Variants in KHDRBS2 observed in about 807,000 individuals in gnomAD.
KHDRBS2 encodes the protein KH domain-containing, RNA-binding, signal transduction-associated protein 2.
In KHDRBS2, 26 loss-of-function variants were observed where a neutral mutation model predicts 44.3. The observed-to-expected ratio is 0.59, with a 90% CI of 0.43 to 0.81. KHDRBS2 has a LOEUF of 0.81. KHDRBS2 is among the 40% of genes least tolerant of loss of function. The pLI, the probability that KHDRBS2 is intolerant of heterozygous loss-of-function variation, is 0.00. For synonymous variants in KHDRBS2, 194 were observed against 151.1 expected (o/e 1.28, Z -2.08); for missense variants, 476 against 433.1 (o/e 1.10, Z -0.88).
the KHDRBS2 span, among the ~76,000 whole-genome samples, chr6:61,549,254 CAG>C: frequency 1.3e-5 from 2 of 152,046 alleles, no homozygotes; most frequent in African/African-American, 4.8e-5. Context: ...TTGCATTAAA[CAG>C]TGGTATAATG....
the KHDRBS2 span, among the ~76,000 whole-genome samples, chr6:61,546,650 T>A: frequency 1.5e-4 from 23 of 152,216 alleles, no homozygotes; most frequent in African/African-American, 4.3e-4. Context: ...TAATTATTTA[T>A]CCCATGTTTG....
At chr6:61,671,338 C>T in the KHDRBS2 span, among the ~76,000 whole-genome samples, 4 of 151,448 alleles carry the variant, frequency 2.6e-5, no homozygotes, top group African/African-American at 9.7e-5. Flanking sequence ...TAACTAGTTG[C>T]CAATTTTTAA....
chr6:61,687,395 C>T (rs1452191276), intron 8 of KHDRBS2, among the ~76,000 whole-genome samples: 2 of 151,784 alleles, frequency 1.3e-5, no homozygotes, highest in African/African-American at 2.4e-5. Flanking sequence ...GAACTCCATT[C>T]TCAACCCTAA....
intron 4 of KHDRBS2, among the ~76,000 whole-genome samples, chr6:61,956,240 T>C (rs1389769592): frequency 2.0e-5 from 3 of 152,050 alleles, no homozygotes; most frequent in South Asian, 2.1e-4. Context: ...GTTCAAAGCA[T>C]AGCACACCAG....
At chr6:61,677,069 C>G (rs1202631365), downstream of KHDRBS2, among the ~76,000 whole-genome samples, 1 of 151,768 alleles carries the variant, frequency 6.6e-6, no homozygotes. Context: ...TTTTCTTGTT[C>G]AACACTAATT....
intron 2 of KHDRBS2, among the ~76,000 whole-genome samples, chr6:62,066,048 G>C (rs185161729): frequency 1.8e-3 from 266 of 151,652 alleles, no homozygotes; most frequent in African/African-American, 5.8e-3. Flanking sequence ...TGTATTCAAA[G>C]ACACGTCTTT....
the KHDRBS2 span, among the ~76,000 whole-genome samples, chr6:61,551,025 C>T: frequency 0.073 from 11,048 of 152,088 alleles, 475 homozygotes; most frequent in African/African-American, 0.12. Flanking sequence ...ATGCCTATTG[C>T]GGCTCCCCAG....
At chr6:61,914,981 G>A (rs1024305034) in intron 4 of KHDRBS2, among the ~76,000 whole-genome samples, 1 of 152,148 alleles carries the variant, frequency 6.6e-6, no homozygotes, top group Non-Finnish European at 1.5e-5. Flanking sequence ...AACGGAGTTA[G>A]AAGATAGTTG....
Position 61,680,862 on chromosome 6 carries a change from A to T in KHDRBS2, c.*101T>A, listed in dbSNP as rs534477712. The T allele has an allele frequency of 4.3e-6, 3 of 696,190 alleles. No individual in the cohort carries two copies. In the African/African-American group the frequency reaches 5.3e-5, roughly 12 times the overall value. The allele number at this position is 696,190 out of a possible 1,614,324, so 43.1% of individuals were successfully genotyped here. On this transcript the variant is annotated 3_prime_UTR_variant, in exon 9 of 9. Transcript: ENST00000281156. ...GAGCAGTTATCCCTAGAATAGAAAC[A>T]AACAAACAAAAAAAGGACTATTACT...
intron 2 of KHDRBS2, among the ~76,000 whole-genome samples, chr6:62,116,391 G>A (rs1806232578): frequency 6.6e-6 from 1 of 151,970 alleles, no homozygotes; most frequent in Non-Finnish European, 1.5e-5. Flanking sequence ...TGGTTTCTGA[G>A]TTTGTTTTAA....
rs114251315 is a variant in KHDRBS2 at position 62,260,018 on chromosome 6, A to C, written c.91+25840T>G. On this transcript the variant is annotated intron_variant, in intron 1 of 8. Transcript: ENST00000281156. ...ATGACGAGGATCTTCCACTGCTGTC[A>C]GGAAGGCCATGTAGTGCTATACATA... 2.5e-3 allele frequency among the ~76,000 whole-genome samples: 387 copies of C among 152,128 alleles called. 3 individuals carry two copies. The highest frequency in any genetic ancestry group is 8.5e-3 in the African/African-American group (354 of 41,542).
the KHDRBS2 span, among the ~76,000 whole-genome samples, chr6:61,642,533 G>A: frequency 6.6e-6 from 1 of 150,624 alleles, no homozygotes; most frequent in Non-Finnish European, 1.5e-5. Flanking sequence ...ATGGTGGAGT[G>A]TGCCTGTGGT....
intron 8 of KHDRBS2, among the ~76,000 whole-genome samples, chr6:61,689,564 A>C (rs990681493): frequency 1.3e-5 from 2 of 151,888 alleles, no homozygotes; most frequent in African/African-American, 4.8e-5. Context: ...TGTAAATCTT[A>C]GCTCTTGGCC....
the KHDRBS2 span, among the ~76,000 whole-genome samples, chr6:61,659,478 C>T: frequency 1.3e-5 from 2 of 151,738 alleles, no homozygotes; most frequent in Non-Finnish European, 2.9e-5. Context: ...AAATGTTCTG[C>T]CTTGCACTGC....
rs1426514172 is a variant in KHDRBS2, at chr6:62,016,726, T to C, written c.336+31152A>G. The stretch of plus-strand genomic sequence containing the variant: ...CTGGTACAGATGGGTAATGATCAAT[T>C]AGCAATGTGTACAGACCTAACATCA... On this transcript the variant is annotated intron_variant, in intron 3 of 8. Transcript: ENST00000281156. Among the ~76,000 whole-genome samples the C allele has an allele frequency of 3.3e-5, 5 of 151,858 alleles. No homozygotes were observed. In the South Asian group the frequency reaches 1.0e-3, roughly 32 times the overall value.
intron 6 of KHDRBS2, among the ~76,000 whole-genome samples, chr6:61,885,760 A>C (rs1399367223): frequency 6.6e-6 from 1 of 152,110 alleles, no homozygotes; most frequent in Non-Finnish European, 1.5e-5. Context: ...TACTTTTGCA[A>C]CAAAGAGAGA....
In KHDRBS2 at chr6:62,212,313, C is replaced by T. The variant is rs143029000; in HGVS notation, c.92-35001G>A. Among the ~76,000 whole-genome samples, 15 of 151,458 alleles carry T rather than the reference C, an allele frequency of 9.9e-5. No individual in the cohort carries two copies. In the East Asian group the frequency reaches 2.7e-3, roughly 27 times the overall value. Reference sequence around the variant, plus strand: ...AAATATTATACCATATATGTATATACATACAGAGGGAGAGAGAGAGTGAGA... The same window carrying T: ...AAATATTATACCATATATGTATATATATACAGAGGGAGAGAGAGAGTGAGA... On this transcript the variant is annotated intron_variant, in intron 1 of 8. Coordinates refer to ENST00000281156, the MANE Select transcript of KHDRBS2 (RefSeq NM_152688.4).
intron 4 of KHDRBS2, among the ~76,000 whole-genome samples, chr6:61,923,056 C>T (rs934077511): frequency 1.3e-5 from 2 of 151,792 alleles, no homozygotes; most frequent in African/African-American, 4.8e-5. Flanking sequence ...ATAATGAAAC[C>T]GTTAAGTAGA....
chr6:62,261,137 T>C (rs1238585160), intron 1 of KHDRBS2, among the ~76,000 whole-genome samples: 2 of 151,966 alleles, frequency 1.3e-5, no homozygotes, highest in Non-Finnish European at 2.9e-5. Flanking sequence ...CTTATTTAAG[T>C]AGCATTAAGC....
Sources: gnomAD v4.1 joint callset for allele counts (sites outside exome capture counted in the v4.1 genomes callset) on GRCh38, gnomAD v4.1.1 for gene constraint, MANE v1.5 for transcripts, NCBI Gene and HGNC (gene_info 2026-07-23, HGNC 2026-07-21) for gene names.